EYS: variants seen among roughly 807,000 people sequenced by gnomAD.
EYS encodes EGF-like photoreceptor maintenance factor, also known as protein eyes shut homolog.
Under a neutral mutation model 282.1 loss-of-function variants are expected in EYS, and 250 were observed. The ratio of observed to expected loss-of-function variants is 0.89; its 90% confidence interval spans 0.80 to 0.98. The LOEUF is 0.98. Among genes scored for constraint, EYS ranks in the 50% least tolerant of loss-of-function variants. The pLI, the probability that EYS is intolerant of heterozygous loss-of-function variation, is 0.00. For missense variants in EYS, 4,016 were observed against 3,709.0 expected, an observed-to-expected ratio of 1.08 and a Z score of -2.15; for synonymous variants, 1,355 against 1,282.9, an observed-to-expected ratio of 1.06 and a Z score of -1.20.
chr6:63,939,898 G>T (rs772337023), intron 35 of EYS, among the ~76,000 whole-genome samples: 1 of 152,150 alleles, frequency 6.6e-6, no homozygotes, highest in South Asian at 2.1e-4. Context: ...ATGTAAAGAT[G>T]CAGTATTAAA....
intron 8 of EYS, among the ~76,000 whole-genome samples, chr6:65,371,727 CTCTCTCTCTCTCTCTGTGTGTGTGTG>C (rs1267189498): frequency 3.9e-5 from 5 of 129,592 alleles, no homozygotes; most frequent in Admixed American, 1.6e-4. Context: ...CTCTCTCTCT[CTCTCTCTCTCTCTCTGTGTGTGTGTG>C]TGTGTGTGTG....
At chr6:64,924,528 G>T (rs1246649969) in intron 15 of EYS, among the ~76,000 whole-genome samples, 1 of 152,106 alleles carries the variant, frequency 6.6e-6, no homozygotes, top group African/African-American at 2.4e-5. Context: ...CAGAAAAAGG[G>T]TTTTTTCTTT....
intron 22 of EYS, among the ~76,000 whole-genome samples, chr6:64,809,613 T>C (rs1764535315): frequency 6.6e-6 from 1 of 151,998 alleles, no homozygotes; most frequent in African/African-American, 2.4e-5. Flanking sequence ...GTGGTACATA[T>C]ACACCACACC....
intron 33 of EYS, among the ~76,000 whole-genome samples, chr6:64,006,294 T>C (rs1012021073): frequency 6.6e-6 from 1 of 152,166 alleles, no homozygotes; most frequent in Non-Finnish European, 1.5e-5. Context: ...ATAGAAATGC[T>C]ACTGATTTTT....
At chr6:64,211,857 T>G (rs1211075387) in intron 31 of EYS, among the ~76,000 whole-genome samples, 1 of 151,900 alleles carries the variant, frequency 6.6e-6, no homozygotes, top group African/African-American at 2.4e-5. Context: ...GGCTCACACC[T>G]GTAATCCCAG....
At chr6:65,332,365 A>G (rs1043697620) in intron 11 of EYS, 1 of 924,584 alleles carries the variant, frequency 1.1e-6, no homozygotes, top group Admixed American at 2.0e-5. Context: ...TGCTGTATAA[A>G]CCTTTCTATA....
At chr6:64,636,788 C>T (rs574821141) in intron 22 of EYS, among the ~76,000 whole-genome samples, 11 of 149,446 alleles carry the variant, frequency 7.4e-5, no homozygotes, top group African/African-American at 2.7e-4. Context: ...AGGATATGAA[C>T]AGACACTTCT....
rs191109253 is a variant in EYS at position 65,026,234 on chromosome 6, A to G, written c.2138-28531T>C. 7.1e-3 allele frequency among the ~76,000 whole-genome samples: 1,074 copies of G among 152,334 alleles called. 23 individuals carry two copies. Among genetic ancestry groups the G allele is most frequent in the Non-Finnish European group, 7.6e-3 (517 of 68,014 alleles). On this transcript the variant is annotated intron_variant, in intron 13 of 42. Coordinates refer to ENST00000503581, the MANE Select transcript of EYS (RefSeq NM_001142800.2). ...TCATAAATGAAACAGGGTTATTATTAGGCAAACATAATTAATTCAGGTGCT... is the reference window on the plus strand; with the variant it reads ...TCATAAATGAAACAGGGTTATTATTGGGCAAACATAATTAATTCAGGTGCT...
intron 15 of EYS, among the ~76,000 whole-genome samples, chr6:64,915,253 T>C (rs987565215): frequency 2.2e-4 from 34 of 152,274 alleles, no homozygotes; most frequent in African/African-American, 7.7e-4. Context: ...GCCATACACT[T>C]TAGGAACTCA....
intron 40 of EYS, among the ~76,000 whole-genome samples, chr6:63,777,293 A>G (rs924351889): frequency 1.3e-5 from 2 of 151,822 alleles, no homozygotes; most frequent in Non-Finnish European, 2.9e-5. Context: ...AAACTCTGAC[A>G]CTCCTCTTTC....
chr6:64,102,134 C>T (rs1164408626), intron 31 of EYS, among the ~76,000 whole-genome samples: 3 of 152,200 alleles, frequency 2.0e-5, no homozygotes, highest in East Asian at 3.9e-4. Context: ...CTAGGAACCC[C>T]TGGTCTATGC....
At chr6:64,398,473 A>C (rs1188888982) in intron 28 of EYS, among the ~76,000 whole-genome samples, 1 of 151,642 alleles carries the variant, frequency 6.6e-6, no homozygotes, top group Non-Finnish European at 1.5e-5. Context: ...TGTTTGGTGA[A>C]GTGTTCTTGA....
intron 24 of EYS, among the ~76,000 whole-genome samples, chr6:64,598,671 C>CA (rs1169734187): frequency 6.6e-6 from 1 of 152,136 alleles, no homozygotes; most frequent in African/African-American, 2.4e-5. Flanking sequence ...CTTCACTCAA[C>CA]AAATGTTTAT....
At chr6:65,090,008 A>AAAC (rs1774509141) in intron 12 of EYS, among the ~76,000 whole-genome samples, 1 of 106,206 alleles carries the variant, frequency 9.4e-6, no homozygotes, top group African/African-American at 3.4e-5. Flanking sequence ...CACACACACA[A>AAAC]ACACACACAC....
intron 29 of EYS, among the ~76,000 whole-genome samples, chr6:64,350,662 G>A (rs773954506): frequency 2.0e-5 from 3 of 151,680 alleles, no homozygotes; most frequent in Non-Finnish European, 4.4e-5. Flanking sequence ...AGGATTCAGC[G>A]TAAAGCTCTG....
At chr6:65,138,431 A>G (rs1222989719) in intron 12 of EYS, among the ~76,000 whole-genome samples, 1 of 152,094 alleles carries the variant, frequency 6.6e-6, no homozygotes, top group Admixed American at 6.6e-5. Flanking sequence ...AATTATTAAA[A>G]TATATTAAGA....
At chr6:64,001,241 G>A (rs773608631) in intron 33 of EYS, among the ~76,000 whole-genome samples, 1 of 152,172 alleles carries the variant, frequency 6.6e-6, no homozygotes, top group Non-Finnish European at 1.5e-5. Flanking sequence ...ATTATTTAAT[G>A]TACATAAATC....
intron 2 of EYS, among the ~76,000 whole-genome samples, chr6:65,594,442 A>G: frequency 6.6e-6 from 1 of 152,160 alleles, no homozygotes; most frequent in Middle Eastern, 3.4e-3. Context: ...ATTAAATTGA[A>G]TTTGTATATC....
At chr6:64,015,869 G>A (rs1388814322) in intron 33 of EYS, among the ~76,000 whole-genome samples, 1 of 152,216 alleles carries the variant, frequency 6.6e-6, no homozygotes, top group African/African-American at 2.4e-5. Context: ...GAGACAGCAA[G>A]TAATGCCAGG....
Sources: allele counts gnomAD v4.1 joint callset (sites outside exome capture counted in the v4.1 genomes callset), GRCh38; gene constraint gnomAD v4.1.1; transcripts MANE v1.5; gene names NCBI Gene and HGNC (gene_info 2026-07-23, HGNC 2026-07-21).